SOX5: variants seen among roughly 807,000 people sequenced by gnomAD.
SOX5 encodes SRY-box transcription factor 5.
In SOX5, 9 loss-of-function variants were observed where a neutral mutation model predicts 92.0. That is an observed-to-expected ratio of 0.10 (90% CI 0.06 to 0.17). SOX5 has a LOEUF of 0.17. Ranked by LOEUF, SOX5 falls within the 10% of genes least tolerant of loss-of-function variation. SOX5 has a pLI of 1.00. For synonymous variants in SOX5, 344 were observed against 336.3 expected (o/e 1.02, Z -0.25); for missense variants, 642 against 944.5 (o/e 0.68, Z 4.20).
intron 4 of SOX5, among the ~76,000 whole-genome samples, chr12:23,957,941 T>G (rs1473619381): frequency 6.6e-6 from 1 of 152,104 alleles, no homozygotes; most frequent in Non-Finnish European, 1.5e-5. Flanking sequence ...GCTGAAGAAC[T>G]GCTTGGGTAT....
intron 4 of SOX5, among the ~76,000 whole-genome samples, chr12:24,155,786 A>G (rs1057191527): frequency 6.6e-6 from 1 of 152,144 alleles, no homozygotes; most frequent in Admixed American, 6.6e-5. Context: ...GAGAAAGTAC[A>G]TGGTTAAGCA....
chr12:24,018,591 T>C (rs1444579118), intron 4 of SOX5, among the ~76,000 whole-genome samples: 1 of 151,564 alleles, frequency 6.6e-6, no homozygotes, highest in Non-Finnish European at 1.5e-5. Flanking sequence ...AGGTCAGGAG[T>C]TCAAGATCAC....
chr12:24,559,334 C>G (rs1162605756), intron 1 of SOX5, among the ~76,000 whole-genome samples: 1 of 152,070 alleles, frequency 6.6e-6, no homozygotes, highest in Non-Finnish European at 1.5e-5. Context: ...CCAGGTTATG[C>G]CAATCAATTA....
At chr12:23,877,555 C>T (rs1595297572) in intron 2 of SOX5, among the ~76,000 whole-genome samples, 1 of 151,972 alleles carries the variant, frequency 6.6e-6, no homozygotes, top group African/African-American at 2.4e-5. Context: ...ATATTACTTC[C>T]TGGTAATTTA....
chr12:24,366,892 T>C (rs1052823516), intron 2 of SOX5, among the ~76,000 whole-genome samples: 2 of 151,398 alleles, frequency 1.3e-5, no homozygotes, highest in Non-Finnish European at 2.9e-5. Context: ...TATTTTCTAG[T>C]GGAGAAAAAG....
chr12:23,558,605 C>CTT (rs749664361), intron 11 of SOX5, among the ~76,000 whole-genome samples: 272 of 141,626 alleles, frequency 1.9e-3, no homozygotes, highest in Non-Finnish European at 3.3e-3. Flanking sequence ...TGAATCACTA[C>CTT]TTTTTTATTT....
chr12:24,364,214 G>A (rs1362602523), intron 2 of SOX5, among the ~76,000 whole-genome samples: 1 of 151,848 alleles, frequency 6.6e-6, no homozygotes, highest in South Asian at 2.1e-4. Context: ...CTATGCTTTG[G>A]GGTTCTCAAT....
intron 13 of SOX5, among the ~76,000 whole-genome samples, chr12:23,537,477 A>C (rs1940804692): frequency 6.6e-6 from 1 of 152,182 alleles, no homozygotes; most frequent in Non-Finnish European, 1.5e-5. Context: ...ACATATGGCC[A>C]CCTACTATAC....
chr12:24,348,049 CAAAAAAAA>C (rs1182462748), intron 2 of SOX5, among the ~76,000 whole-genome samples: 2 of 72,722 alleles, frequency 2.8e-5, no homozygotes, highest in African/African-American at 4.7e-5. Flanking sequence ...TACAGCTAAT[CAAAAAAAA>C]AAAAAAAAAA....
rs150996750 is a variant in SOX5 at position 23,605,320 on chromosome 12, G to A, written c.1018-787C>T. ...TGATGTATTATCCTAAAACAAGGAAGTTGCTTTAAATTCAAATATTACATC... is the reference window on the plus strand; with the variant it reads ...TGATGTATTATCCTAAAACAAGGAAATTGCTTTAAATTCAAATATTACATC... On this transcript the variant is annotated intron_variant, in intron 8 of 14. Transcript: ENST00000451604. 1.6e-3 allele frequency among the ~76,000 whole-genome samples: 243 copies of A among 151,696 alleles called. 4 individuals carry two copies. Among genetic ancestry groups the A allele is most frequent in the Admixed American group, 0.014 (215 of 15,236 alleles).
chr12:24,034,858 C>G (rs1955864380), intron 4 of SOX5, among the ~76,000 whole-genome samples: 1 of 152,040 alleles, frequency 6.6e-6, no homozygotes, highest in African/African-American at 2.4e-5. Flanking sequence ...ATTAGGCTGT[C>G]TTGAAACCGT....
At chr12:23,638,691 C>A (rs1268117529) in intron 8 of SOX5, among the ~76,000 whole-genome samples, 2 of 151,920 alleles carry the variant, frequency 1.3e-5, no homozygotes, top group African/African-American at 4.8e-5. Flanking sequence ...TAACAGATAT[C>A]CTGTGTAGCT....
intron 9 of SOX5, chr12:23,582,040 A>T (rs975309757): frequency 2.0e-6 from 1 of 496,560 alleles, no homozygotes; most frequent in African/African-American, 2.1e-5. Context: ...GCATTCATGA[A>T]ACATGTTGCA....
intron 1 of SOX5, among the ~76,000 whole-genome samples, chr12:24,410,312 T>C (rs1963846545): frequency 6.6e-6 from 1 of 152,188 alleles, no homozygotes; most frequent in African/African-American, 2.4e-5. Context: ...ATAGCAAAAT[T>C]GTTCATTTTA....
At chr12:24,364,511 C>CAT (rs58135899) in intron 2 of SOX5, among the ~76,000 whole-genome samples, 12,787 of 110,096 alleles carry the variant, frequency 0.12, 743 homozygotes, top group Non-Finnish European at 0.14. Flanking sequence ...AACATTTTTT[C>CAT]ATATATATAT....
intron 11 of SOX5, among the ~76,000 whole-genome samples, chr12:23,550,794 AC>A (rs1383446475): frequency 6.6e-6 from 1 of 151,996 alleles, no homozygotes; most frequent in Non-Finnish European, 1.5e-5. Flanking sequence ...AAAATAAAAA[AC>A]AACTGAAAAT....
rs139401692 is a variant in SOX5 at position 24,230,749 on chromosome 12, C to T, written c.-76-17332G>A. 2.0e-4 allele frequency: 31 copies of T among 152,282 alleles called. No individual in the cohort carries two copies. In the East Asian group the frequency reaches 4.2e-3, roughly 21 times the overall value. The allele number at this position is 152,282 out of a possible 1,614,324, so 9.4% of individuals were successfully genotyped here. ...CCAGGAGTAACATACCCTCTTAGAT[C>T]ACTGTAAAATGCAAGAATCATGCCC... On this transcript the variant is annotated intron_variant, in intron 3 of 4. Coordinates refer to the SOX5 transcript ENST00000446891.
chr12:23,998,831 G>T (rs558283028), intron 4 of SOX5, among the ~76,000 whole-genome samples: 1 of 148,772 alleles, frequency 6.7e-6, no homozygotes, highest in Non-Finnish European at 1.5e-5. Context: ...AAAAAGGGGG[G>T]GCGAAAAATT....
chr12:23,916,090 A>T (rs955868905), intron 1 of SOX5, among the ~76,000 whole-genome samples: 2 of 152,198 alleles, frequency 1.3e-5, no homozygotes, highest in African/African-American at 4.8e-5. Flanking sequence ...AAGAAATAAG[A>T]ATGAAAAAAG....
Sources: allele counts gnomAD v4.1 joint callset (sites outside exome capture counted in the v4.1 genomes callset), GRCh38; gene constraint gnomAD v4.1.1; transcripts MANE v1.5; gene names NCBI Gene and HGNC (gene_info 2026-07-23, HGNC 2026-07-21).